The following ADGRL2 variants were observed in gnomAD, a reference collection of about 807,000 sequenced individuals.
The protein encoded by ADGRL2 is calcium-independent alpha-latrotoxin receptor 2.
In ADGRL2, 44 loss-of-function variants were observed where a neutral mutation model predicts 157.4. The observed-to-expected ratio is 0.28, with a 90% CI of 0.22 to 0.36. The LOEUF is 0.36. ADGRL2 is among the 10% of genes least tolerant of loss of function. ADGRL2 has a pLI of 1.00. For missense variants in ADGRL2, 1,510 were observed against 1,768.9 expected (o/e 0.85, Z 2.63); for synonymous variants, 585 against 624.7 (o/e 0.94, Z 0.95).
intron 2 of ADGRL2, among the ~76,000 whole-genome samples, chr1:81,888,700 C>A (rs1284066226): frequency 6.6e-6 from 1 of 152,142 alleles, no homozygotes; most frequent in Non-Finnish European, 1.5e-5. Flanking sequence ...GATCTGCCCC[C>A]CTTGGCCTCC....
At chr1:81,503,477 G>C in intron 2 of ADGRL2, 1 of 1,610,960 alleles carries the variant, frequency 6.2e-7, no homozygotes, top group East Asian at 2.2e-5. Context: ...TGATGGGCAG[G>C]ACCCAGCTTT....
At chr1:81,411,704 C>A (rs913956374) in intron 1 of ADGRL2, among the ~76,000 whole-genome samples, 3 of 151,914 alleles carry the variant, frequency 2.0e-5, no homozygotes, top group African/African-American at 7.3e-5. Flanking sequence ...CACGGTGAAA[C>A]CCCATCTCTA....
intron 1 of ADGRL2, among the ~76,000 whole-genome samples, chr1:81,724,928 G>A (rs1299146874): frequency 2.0e-5 from 3 of 151,994 alleles, no homozygotes; most frequent in South Asian, 2.1e-4. Flanking sequence ...CACCACAGCC[G>A]GGCACGGTGG....
intron 5 of ADGRL2, 142 bp from the exon 6 acceptor site, chr1:81,942,827 G>T: frequency 2.8e-6 from 2 of 712,536 alleles, no homozygotes; most frequent in Middle Eastern, 2.3e-4. Context: ...AAGAAGGGTA[G>T]TATTTGTATG....
intron 2 of ADGRL2, among the ~76,000 whole-genome samples, chr1:81,562,449 A>C (rs1007780317): frequency 6.6e-6 from 1 of 152,052 alleles, no homozygotes; most frequent in African/African-American, 2.4e-5. Flanking sequence ...ATGAAGATTG[A>C]GACATTAACT....
Position 81,987,869 on chromosome 1 carries a change from C to T in ADGRL2, c.3638C>T (p.Ala1213Val). Residue 1213 changes from alanine (A) to valine (V), a missense_variant and splice_region_variant, in exon 23 of 24, where the codon GCA (alanine) becomes GTA (valine). Ala to Val is a moderately conservative substitution (Grantham distance 64). Coordinates refer to ENST00000686636, the MANE Select transcript of ADGRL2 (RefSeq NM_001366006.2). ...TCACTTTCCTTATGCTTTCCTCTAG[C>T]AACCTACAGAGAGACAAGTATGGGA... ...APSAPVFNSP[A>V]TYRETRHSLN... The T allele has an allele frequency of 3.0e-6, 1 of 332,592 alleles. No individual in the cohort carries two copies. The highest frequency in any genetic ancestry group is 6.4e-6 in the Non-Finnish European group (1 of 155,106). The allele number at this position is 332,592 out of a possible 1,614,324, so 20.6% of individuals were successfully genotyped here. A position where few individuals can be genotyped will look rare whatever the true frequency, so the allele number is the denominator to read the frequency against.
chr1:81,414,397 C>T (rs2076999054), intron 1 of ADGRL2: 1 of 152,138 alleles, frequency 6.6e-6, no homozygotes, highest in African/African-American at 2.4e-5. Flanking sequence ...AGAAGAGAGG[C>T]CTGGTTGTTT....
At chr1:81,312,941 C>G (rs2100562060) in intron 1 of ADGRL2, among the ~76,000 whole-genome samples, 1 of 152,252 alleles carries the variant, frequency 6.6e-6, no homozygotes, top group East Asian at 1.9e-4. Context: ...AGTTGGAATA[C>G]AATATACGGA....
At chr1:81,457,237 AC>A (rs1174509695) in intron 2 of ADGRL2, among the ~76,000 whole-genome samples, 1 of 152,172 alleles carries the variant, frequency 6.6e-6, no homozygotes, top group Non-Finnish European at 1.5e-5. Flanking sequence ...AGGTCTCTTG[AC>A]CACAGAAACC....
At chr1:81,449,583 A>G (rs2077668289) in intron 2 of ADGRL2, among the ~76,000 whole-genome samples, 1 of 152,082 alleles carries the variant, frequency 6.6e-6, no homozygotes, top group Non-Finnish European at 1.5e-5. Flanking sequence ...CAGTTGAATT[A>G]TGGCCTTTAT....
At chr1:81,535,284 T>C (rs898254063) in intron 2 of ADGRL2, among the ~76,000 whole-genome samples, 2 of 152,184 alleles carry the variant, frequency 1.3e-5, no homozygotes, top group Non-Finnish European at 2.9e-5. Flanking sequence ...ATTTTAAATA[T>C]CTCTTTGGTT....
intron 3 of ADGRL2, among the ~76,000 whole-genome samples, chr1:81,609,431 T>C (rs1201491627): frequency 6.6e-6 from 1 of 152,202 alleles, no homozygotes; most frequent in African/African-American, 2.4e-5. Flanking sequence ...TGGTAGATAA[T>C]AGTTATAATC....
At position 81,682,103 on chromosome 1, in the gene ADGRL2, A is replaced by G. The variant is rs550984117; in HGVS notation, c.-142-79708A>G. Reference sequence around the variant, plus strand: ...GAAAGTTCCATATATATACATATATATGTGTGTGTGTGTGTGTGTGTGTGT... The same window carrying G: ...GAAAGTTCCATATATATACATATATGTGTGTGTGTGTGTGTGTGTGTGTGT... On this transcript the variant is annotated intron_variant, in intron 3 of 24. Transcript: ENST00000370721. 3.9e-3 allele frequency among the ~76,000 whole-genome samples: 581 copies of G among 148,040 alleles called. 8 individuals carry two copies. The highest frequency in any genetic ancestry group is 0.013 in the African/African-American group (521 of 39,900).
chr1:81,769,364 C>T (rs1475662809), intron 2 of ADGRL2, among the ~76,000 whole-genome samples: 4 of 151,988 alleles, frequency 2.6e-5, no homozygotes, highest in Non-Finnish European at 4.4e-5. Flanking sequence ...ACCTATTTGA[C>T]GTTGGTTTTT....
intron 1 of ADGRL2, among the ~76,000 whole-genome samples, chr1:81,365,663 A>C (rs569937797): frequency 3.3e-5 from 5 of 152,332 alleles, no homozygotes; most frequent in Admixed American, 1.3e-4. Context: ...GAGGATCATC[A>C]TTTAACAACC....
At chr1:81,659,574 G>A (rs553191219) in intron 3 of ADGRL2, among the ~76,000 whole-genome samples, 56 of 152,058 alleles carry the variant, frequency 3.7e-4, no homozygotes, top group Non-Finnish European at 7.2e-4. Flanking sequence ...CCCAGAGAAC[G>A]CATTCATTTA....
intron 3 of ADGRL2, among the ~76,000 whole-genome samples, chr1:81,608,103 G>C (rs142069511): frequency 1.8e-4 from 28 of 152,284 alleles, no homozygotes; most frequent in Middle Eastern, 6.8e-3. Context: ...GGCAACTCTC[G>C]TGGGTTCCTT....
rs137970737 is a variant in ADGRL2, at chr1:81,777,431, A to C, written c.-101+15579A>C. Among the ~76,000 whole-genome samples the C allele has an allele frequency of 3.4e-3, 518 of 152,372 alleles. 6 individuals carry two copies. In the South Asian group the frequency reaches 0.046, roughly 14 times the overall value. On this transcript the variant is annotated intron_variant, in intron 2 of 20. Coordinates refer to the ADGRL2 transcript ENST00000359929. ...GGTCCCAAGGCAAGACCCTACAATT[A>C]TTCCAACCAAAAGATGTATTTTTAG...
rs192299470 is a variant in ADGRL2, at chr1:81,394,373, C to A, written c.-301-50663C>A. ...TTTGTCTATCCCCCCTCCTCCTGTA[C>A]CCTTCCCAGCCTCTGGTAACCACTA... On this transcript the variant is annotated intron_variant, in intron 1 of 24. Transcript: ENST00000370721. Among the ~76,000 whole-genome samples, 5 of 152,232 alleles carry A rather than the reference C, an allele frequency of 3.3e-5. No individual in the cohort carries two copies. The East Asian group carries it at 9.7e-4, about 29-fold the overall frequency.
Sources: gnomAD v4.1 joint callset for allele counts (sites outside exome capture counted in the v4.1 genomes callset) on GRCh38, gnomAD v4.1.1 for gene constraint, MANE v1.5 for transcripts, NCBI Gene and HGNC (gene_info 2026-07-23, HGNC 2026-07-21) for gene names.